RANBP1: variants seen among roughly 807,000 people sequenced by gnomAD.
The protein encoded by RANBP1 is RAN binding protein 1.
Under a neutral mutation model 31.4 loss-of-function variants are expected in RANBP1, and 16 were observed. That is an observed-to-expected ratio of 0.51 (90% confidence interval 0.34 to 0.77). The LOEUF (loss-of-function observed/expected upper bound fraction) is 0.77. Among genes scored for constraint, RANBP1 ranks in the 30% least tolerant of loss-of-function variants. The pLI is 0.01. For synonymous variants in RANBP1, 129 were observed against 140.5 expected, an observed-to-expected ratio of 0.92 and a Z score of 0.58; for missense variants, 265 against 362.0, an observed-to-expected ratio of 0.73 and a Z score of 2.17.
intron 2 of RANBP1, among the ~76,000 whole-genome samples, chr22:20,120,558 C>T (rs995538896): frequency 9.8e-5 from 15 of 152,330 alleles, no homozygotes; most frequent in East Asian, 7.7e-4. Context: ...AGAGCAGAGT[C>T]GTCTGAGAGA....
At chr22:20,116,624 C>CA in intron 1 of RANBP1, 194 bp downstream of exon 1, 1 of 1,528,968 alleles carries the variant, frequency 6.5e-7, no homozygotes, top group African/African-American at 1.4e-5. Context: ...TGTGTGGGGA[C>CA]AGATGGGGTG....
intron 1 of RANBP1, chr22:20,117,132 T>TGTACCGCCCGCCCGCCAGGGGCC (rs2050051787): frequency 5.1e-6 from 3 of 584,228 alleles, no homozygotes; most frequent in Non-Finnish European, 8.4e-6. Context: ...GGCTTGGGGC[T>TGTACCGCCCGCCCGCCAGGGGCC]GTACCGCCCG....
intron 1 of RANBP1, chr22:20,117,058 C>G: frequency 1.0e-6 from 1 of 998,622 alleles, no homozygotes; most frequent in Non-Finnish European, 1.5e-6. Flanking sequence ...GAGGTCGCCG[C>G]CACCCCCGGC....
Position 20,127,017 on chromosome 22 carries a change from GA to G in RANBP1, c.803del (p.Glu268GlyfsTer71), listed in dbSNP as rs2050315522. 1 of 1,613,632 alleles carries G rather than the reference GA, an allele frequency of 6.2e-7. No individual in the cohort carries two copies. Among genetic ancestry groups the G allele is most frequent in the Non-Finnish European group, 8.5e-7 (1 of 1,179,886 alleles). On this transcript the variant is annotated frameshift_variant, in exon 6 of 6. Coordinates refer to ENST00000430524, the MANE Select transcript of RANBP1 (RefSeq NM_001278639.2). LOFTEE classifies it high-confidence loss of function. ...AAAGCTAGAAGCTCTCTCGGTGAAG[GA>G]GGAGACCAAGGAGGATGCTGAGGAG... ...AEKLEALSVKEETKEDAEEKQ is the reference protein window; with the variant it reads ...AEKLEALSVKXETKEDAEEKQ
chr22:20,120,274 A>G (rs1436556390), intron 2 of RANBP1, among the ~76,000 whole-genome samples: 4 of 152,222 alleles, frequency 2.6e-5, no homozygotes, highest in Admixed American at 2.0e-4. Context: ...GGTGATGGAC[A>G]TCTCCCTGAA....
At chr22:20,122,503 C>T (rs2050194145) in intron 3 of RANBP1, 82 bp downstream of exon 3, 10 of 1,602,794 alleles carry the variant, frequency 6.2e-6, no homozygotes, top group Non-Finnish European at 8.5e-6. Context: ...TGATTGGGAA[C>T]TGGGGAGCGT....
chr22:20,126,756 G>A, intron 5 of RANBP1, 196 bp from the exon 6 acceptor site: 2 of 1,360,644 alleles, frequency 1.5e-6, no homozygotes, highest in Non-Finnish European at 2.0e-6. Context: ...GTGCTTGAGT[G>A]CATCCACCTG....
At chr22:20,126,473 G>A (rs536200628) in intron 5 of RANBP1, 105 bp downstream of exon 5, 1 of 1,603,988 alleles carries the variant, frequency 6.2e-7, no homozygotes, top group African/African-American at 1.3e-5. Flanking sequence ...ACATTCCAGG[G>A]TGCTGTGGCC....
chr22:20,118,298 C>T (rs972657566), intron 1 of RANBP1: 1 of 1,002,290 alleles, frequency 1.0e-6, no homozygotes, highest in African/African-American at 1.7e-5. Flanking sequence ...CTCTTACGGA[C>T]TTCTGGGTGA....
At chr22:20,123,034 T>C (rs540174410) in intron 3 of RANBP1, among the ~76,000 whole-genome samples, 1 of 21,460 alleles carries the variant, frequency 4.7e-5, no homozygotes, top group African/African-American at 2.1e-4. Flanking sequence ...CTGGCGGGGG[T>C]GGTTGGGGGT....
intron 3 of RANBP1, chr22:20,124,097 T>A (rs555506848): frequency 2.0e-4 from 30 of 152,918 alleles, no homozygotes; most frequent in African/African-American, 7.2e-4. Flanking sequence ...GCATGTCTAG[T>A]CCTGGGGAAG....
At chr22:20,121,691 T>C (rs1286878283) in intron 2 of RANBP1, among the ~76,000 whole-genome samples, 1 of 152,136 alleles carries the variant, frequency 6.6e-6, no homozygotes, top group African/African-American at 2.4e-5. Context: ...ACTACGGGTG[T>C]TAGCCATCAT....
intron 2 of RANBP1, among the ~76,000 whole-genome samples, chr22:20,120,598 C>T (rs1000071889): frequency 5.3e-5 from 8 of 152,186 alleles, no homozygotes; most frequent in African/African-American, 1.4e-4. Flanking sequence ...AGAGGGAGGG[C>T]GCCAGCCTGA....
At chr22:20,116,544 C>A (rs1251829829) in intron 1 of RANBP1, 114 bp downstream of exon 1, 2 of 1,598,408 alleles carry the variant, frequency 1.3e-6, no homozygotes, top group Non-Finnish European at 1.7e-6. Flanking sequence ...CTGCAGGGGG[C>A]ACCGAGACGG....
At chr22:20,117,720 A>T (rs1346907589) in intron 1 of RANBP1, 5 of 1,111,908 alleles carry the variant, frequency 4.5e-6, no homozygotes, top group Non-Finnish European at 4.4e-6. Flanking sequence ...GGCCGTTATC[A>T]GCGGCCACGT....
chr22:20,126,586 C>T (rs569880299), intron 5 of RANBP1: 3 of 1,540,128 alleles, frequency 1.9e-6, no homozygotes, highest in African/African-American at 2.7e-5. Flanking sequence ...ATTGGGCAGG[C>T]ATTGGAGTCC....
chr22:20,126,413 C>G (rs1239041792), intron 5 of RANBP1, 45 bp downstream of exon 5: 1 of 1,613,388 alleles, frequency 6.2e-7, no homozygotes, highest in Non-Finnish European at 8.5e-7. Flanking sequence ...CAGACTCACT[C>G]TGCATCTGAC....
rs748386685 is a variant in RANBP1 at position 20,127,090 on chromosome 22, C to A, written c.*38C>A. The A allele has an allele frequency of 3.9e-6, 6 of 1,525,620 alleles. No homozygotes were observed. In the African/African-American group the frequency reaches 5.6e-5, roughly 14 times the overall value. The allele number at this position is 1,525,620 out of a possible 1,614,324, so 94.5% of individuals were successfully genotyped here. On this transcript the variant is annotated 3_prime_UTR_variant, in exon 6 of 6. Transcript: ENST00000430524. Reference sequence around the variant, plus strand: ...TATTTTCTTTTCCTCTCTTTCCTTTCCTTTTTTTAAAAAATTTTACCCTGC... The same window carrying A: ...TATTTTCTTTTCCTCTCTTTCCTTTACTTTTTTTAAAAAATTTTACCCTGC...
At position 20,116,449 on chromosome 22, in the gene RANBP1, A is replaced by T. The variant is rs1173838016; in HGVS notation, c.246+19A>T. The T allele has an allele frequency of 4.3e-6, 7 of 1,612,806 alleles. No homozygotes were observed. Among genetic ancestry groups the T allele is most frequent in the Non-Finnish European group, 5.9e-6 (7 of 1,179,874 alleles). On this transcript the variant is annotated intron_variant, in intron 1 of 5. Transcript: ENST00000430524. ...CTCAGAGGTAAACAAGTCATCCCTG[A>T]TGTAGCTGTAGAGCCCGGGCTGAGG...
Sources: gnomAD v4.1 joint callset for allele counts (sites outside exome capture counted in the v4.1 genomes callset) on GRCh38, gnomAD v4.1.1 for gene constraint, MANE v1.5 for transcripts, NCBI Gene and HGNC (gene_info 2026-07-23, HGNC 2026-07-21) for gene names.